Variants in ASAP3 observed in about 807,000 individuals in gnomAD.
ASAP3 encodes the protein arf-GAP with SH3 domain, ANK repeat and PH domain-containing protein 3.
A neutral mutation model predicts 118.2 loss-of-function variants in ASAP3; 85 were observed. That is an observed-to-expected ratio of 0.72 (90% CI 0.60 to 0.86). The LOEUF is 0.86. Among genes scored for constraint, ASAP3 ranks in the 40% least tolerant of loss-of-function variants. The pLI is 0.00. For synonymous variants in ASAP3, 432 were observed against 477.4 expected (o/e 0.90, Z 1.24); for missense variants, 1,026 against 1,175.0 (o/e 0.87, Z 1.85).
intron 1 of ASAP3, among the ~76,000 whole-genome samples, chr1:23,466,097 G>A (rs540160160): frequency 2.0e-5 from 3 of 152,296 alleles, no homozygotes; most frequent in Admixed American, 6.5e-5. Flanking sequence ...AAAAGAAAAC[G>A]GATTTGTTCA....
chr1:23,439,655 A>G (rs1177839719), intron 10 of ASAP3, among the ~76,000 whole-genome samples: 1 of 152,238 alleles, frequency 6.6e-6, no homozygotes, highest in East Asian at 1.9e-4. Flanking sequence ...AAATAAAATT[A>G]GCAAGTCCAT....
rs987009902 is a variant in ASAP3, at chr1:23,433,244, G to A, written c.2156C>T (p.Ala719Val). 6.2e-7 allele frequency: 1 copy of A among 1,610,400 alleles called. No homozygotes were observed. The highest frequency in any genetic ancestry group is 1.3e-5 in the African/African-American group (1 of 74,850). ...KRCLLKLPAQ[A>V]HWASGRLDIS... ...GTCCAGCCTCCCACTGGCCCAGTGA[G>A]CCTGGGCCGGGAGCTTCAGCAAGCA... Residue 719 changes from alanine (A) to valine (V), a missense_variant, in exon 22 of 25, where the codon GCT becomes GTT. Ala to Val is a moderately conservative substitution (Grantham distance 64). Coordinates refer to ENST00000336689, the MANE Select transcript of ASAP3 (RefSeq NM_017707.4).
intron 1 of ASAP3, among the ~76,000 whole-genome samples, chr1:23,471,371 C>A (rs1641956913): frequency 6.6e-6 from 1 of 152,182 alleles, no homozygotes; most frequent in Non-Finnish European, 1.5e-5. Flanking sequence ...ATTAGAGTAT[C>A]CTGGCCCTTA....
At position 23,483,959 on chromosome 1, in the gene ASAP3, C is replaced by T. The variant is rs1558202470; in HGVS notation, c.129+46G>A. 6 of 1,248,824 alleles carry T rather than the reference C, an allele frequency of 4.8e-6. No individual in the cohort carries two copies. In the South Asian group the frequency reaches 1.6e-4, roughly 33 times the overall value. The allele number at this position is 1,248,824 out of a possible 1,614,324, so 77.4% of individuals were successfully genotyped here. A position where few individuals can be genotyped will look rare whatever the true frequency, so the allele number is the denominator to read the frequency against. On this transcript the variant is annotated intron_variant, in intron 1 of 24. Coordinates refer to ENST00000336689, the MANE Select transcript of ASAP3 (RefSeq NM_017707.4). ...GCGACACGCCTGTGGAGGTCAAGGCCAGGCCCGGCGCCGACCCCCGACCCC... is the reference window on the plus strand; with the variant it reads ...GCGACACGCCTGTGGAGGTCAAGGCTAGGCCCGGCGCCGACCCCCGACCCC...
At chr1:23,446,378 C>A (rs1030323756) in intron 5 of ASAP3, among the ~76,000 whole-genome samples, 2 of 151,988 alleles carry the variant, frequency 1.3e-5, no homozygotes, top group Admixed American at 6.6e-5. Context: ...TCATGGTCAA[C>A]CCCTGTCCAA....
chr1:23,451,608 G>T, intron 4 of ASAP3, 80 bp from the exon 5 acceptor site: 1 of 1,479,018 alleles, frequency 6.8e-7, no homozygotes, highest in Non-Finnish European at 9.4e-7. Flanking sequence ...GCCTGTAGGA[G>T]GACCTGCTAG....
In ASAP3 at chr1:23,437,526, G is replaced by A. The variant is rs1166120691; in HGVS notation, c.1103-54C>T. ...CACAGAAATGCTGCTGGCCTTCCCG[G>A]AGCCCAGGGAGCCCCCACCAAAGCC... On this transcript the variant is annotated intron_variant, in intron 12 of 24. Coordinates refer to ENST00000336689, the MANE Select transcript of ASAP3 (RefSeq NM_017707.4). The surrounding 1 kb of genome is among the most constrained non-coding windows in gnomAD (Gnocchi z 6.1). The A allele has an allele frequency of 6.2e-7, 1 of 1,604,110 alleles. No individual in the cohort carries two copies. The highest frequency in any genetic ancestry group is 1.3e-5 in the African/African-American group (1 of 74,616).
At chr1:23,472,862 C>G (rs1642003169) in intron 1 of ASAP3, among the ~76,000 whole-genome samples, 1 of 152,214 alleles carries the variant, frequency 6.6e-6, no homozygotes, top group Non-Finnish European at 1.5e-5. Context: ...CAATTATCTT[C>G]ATCCCTAATT....
chr1:23,436,574 T>C lies in ASAP3; in HGVS notation c.1557A>G (p.Ser519=), dbSNP rs1189002301. ...AATCCCCTTACATGTCACTCTCAGC[T>C]GAGGGTTTAGGGCCGCCGTGTGAGG... is the stretch of plus-strand genomic sequence containing the variant. ...QLPSHGGPKP[S]AESDMGTRRD... The change falls in exon 16 of 25, where the codon TCA becomes TCG. Residue 519 remains serine (S), a synonymous_variant. Transcript: ENST00000336689. The surrounding 1 kb of genome is among the most constrained non-coding windows in gnomAD (Gnocchi z 4.2). 2 of 1,614,206 alleles carry C rather than the reference T, an allele frequency of 1.2e-6. No individual in the cohort carries two copies. Among genetic ancestry groups the C allele is most frequent in the Admixed American group, 1.7e-5 (1 of 60,032 alleles).
At chr1:23,471,290 C>T (rs988475538) in intron 1 of ASAP3, among the ~76,000 whole-genome samples, 3 of 152,182 alleles carry the variant, frequency 2.0e-5, no homozygotes, top group South Asian at 4.1e-4. Context: ...ACTTACAGGT[C>T]ACCCCCTCCC....
At chr1:23,460,460 C>T (rs1408863901) in intron 1 of ASAP3, among the ~76,000 whole-genome samples, 3 of 137,212 alleles carry the variant, frequency 2.2e-5, no homozygotes, top group Admixed American at 8.1e-5. Flanking sequence ...TGAGCTGAGA[C>T]AGTGCCACTG....
At position 23,436,793 on chromosome 1, in the gene ASAP3, T is replaced by C; in HGVS notation, c.1476+118A>G. On this transcript the variant is annotated intron_variant, in intron 15 of 24. Coordinates refer to ENST00000336689, the MANE Select transcript of ASAP3 (RefSeq NM_017707.4). The surrounding 1 kb of genome is among the most constrained non-coding windows in gnomAD (Gnocchi z 4.2). Reference sequence around the variant, plus strand: ...GCCCCGCCCCTGACCACCCGCTACCTGGCTTGTCCCAGCCCACCTCGGCCA... The same window carrying C: ...GCCCCGCCCCTGACCACCCGCTACCCGGCTTGTCCCAGCCCACCTCGGCCA... 2 of 1,286,478 alleles carry C rather than the reference T, an allele frequency of 1.6e-6. No homozygotes were observed. The highest frequency in any genetic ancestry group is 1.3e-5 in the South Asian group (1 of 77,166). The allele number at this position is 1,286,478 out of a possible 1,614,324, so 79.7% of individuals were successfully genotyped here. A position where few individuals can be genotyped will look rare whatever the true frequency, so the allele number is the denominator to read the frequency against.
At chr1:23,483,142 G>A (rs1642364869) in intron 1 of ASAP3, among the ~76,000 whole-genome samples, 1 of 152,194 alleles carries the variant, frequency 6.6e-6, no homozygotes, top group Admixed American at 6.5e-5. Flanking sequence ...TATCTGCCAC[G>A]CAGTGGGTGC....
At chr1:23,465,803 A>G (rs1558170954) in intron 1 of ASAP3, among the ~76,000 whole-genome samples, 3 of 152,140 alleles carry the variant, frequency 2.0e-5, no homozygotes, top group Admixed American at 2.0e-4. Flanking sequence ...CACCTGGCCC[A>G]GAGTTACAAT....
chr1:23,455,361 C>T (rs1476838958), intron 3 of ASAP3, among the ~76,000 whole-genome samples: 1 of 152,172 alleles, frequency 6.6e-6, no homozygotes, highest in East Asian at 1.9e-4. Flanking sequence ...CCAAGGAGGC[C>T]ATCGGGAAGC....
At chr1:23,469,559 G>A (rs1641895402) in intron 1 of ASAP3, among the ~76,000 whole-genome samples, 1 of 152,146 alleles carries the variant, frequency 6.6e-6, no homozygotes, top group Admixed American at 6.5e-5. Context: ...AGGGTGATAG[G>A]AACACAGCCA....
chr1:23,472,034 C>T (rs1196171999), intron 1 of ASAP3, among the ~76,000 whole-genome samples: 2 of 152,036 alleles, frequency 1.3e-5, no homozygotes, highest in East Asian at 3.9e-4. Context: ...ATGAACTGTC[C>T]AGAATAGGTA....
intron 1 of ASAP3, among the ~76,000 whole-genome samples, chr1:23,471,184 T>A (rs533224185): frequency 6.6e-6 from 1 of 152,220 alleles, no homozygotes; most frequent in African/African-American, 2.4e-5. Flanking sequence ...TATGCCAAAC[T>A]GTTTCCAGCC....
chr1:23,463,888 A>G (rs1641675556), intron 1 of ASAP3, among the ~76,000 whole-genome samples: 1 of 152,050 alleles, frequency 6.6e-6, no homozygotes, highest in Non-Finnish European at 1.5e-5. Flanking sequence ...AGAAAAATCC[A>G]TTCTCTGCTT....
Sources: allele counts gnomAD v4.1 joint callset (sites outside exome capture counted in the v4.1 genomes callset), GRCh38; gene constraint gnomAD v4.1.1; non-coding constraint Gnocchi (gnomAD v3.1); transcripts MANE v1.5; gene names NCBI Gene and HGNC (gene_info 2026-07-23, HGNC 2026-07-21).